REC114: variants seen among roughly 807,000 people sequenced by gnomAD.
REC114 encodes the protein REC114 meiotic recombination protein, also known as meiotic recombination protein REC114.
Under a neutral mutation model 31.3 loss-of-function variants are expected in REC114, and 27 were observed. That is an observed-to-expected ratio of 0.86 (90% confidence interval 0.64 to 1.19). The LOEUF (loss-of-function observed/expected upper bound fraction) is 1.19. Among genes scored for constraint, REC114 ranks in the 50% most tolerant of loss-of-function variants. The pLI is 0.00. For missense variants in REC114, 344 were observed against 326.9 expected (o/e 1.05, Z -0.40); for synonymous variants, 134 against 127.7 (o/e 1.05, Z -0.33).
intron 1 of REC114, among the ~76,000 whole-genome samples, chr15:73,469,667 C>G (rs1371843377): frequency 6.7e-6 from 1 of 149,352 alleles, no homozygotes; most frequent in African/African-American, 2.5e-5. Flanking sequence ...TGGCCTTAGG[C>G]AAGCCTTAGA....
chr15:73,539,747 T>C (rs1191348304), intron 2 of REC114, among the ~76,000 whole-genome samples: 1 of 152,120 alleles, frequency 6.6e-6, no homozygotes, highest in Admixed American at 6.5e-5. Context: ...ATCTCCTGGA[T>C]TGGTTTTACT....
chr15:73,476,088 G>T (rs1287749351), intron 2 of REC114, among the ~76,000 whole-genome samples: 2 of 152,138 alleles, frequency 1.3e-5, no homozygotes, highest in Non-Finnish European at 2.9e-5. Flanking sequence ...ATCGAGGTTT[G>T]CATAAGTGTA....
intron 1 of REC114, among the ~76,000 whole-genome samples, chr15:73,448,206 C>T (rs565426462): frequency 5.3e-5 from 8 of 152,150 alleles, no homozygotes; most frequent in Non-Finnish European, 1.0e-4. Context: ...TCTGGCTCAG[C>T]GGGTCCCACC....
chr15:73,550,518 T>C (rs1338898509), intron 3 of REC114, among the ~76,000 whole-genome samples: 1 of 152,254 alleles, frequency 6.6e-6, no homozygotes, highest in Non-Finnish European at 1.5e-5. Flanking sequence ...CATAGTTATC[T>C]ACCTGGTTTG....
rs556924167 is a variant in REC114, at chr15:73,452,322, C to A, written c.159+8978C>A. On this transcript the variant is annotated intron_variant, in intron 1 of 5. Transcript: ENST00000331090. ...AAAATCAGTGTGCAAAAATCACAAGCATTCCTATACACCAATAACAGACAA... is the reference window on the plus strand; with the variant it reads ...AAAATCAGTGTGCAAAAATCACAAGAATTCCTATACACCAATAACAGACAA... 2.0e-5 allele frequency among the ~76,000 whole-genome samples: 3 copies of A among 152,318 alleles called. No homozygotes were observed. The South Asian group carries it at 6.2e-4, about 32-fold the overall frequency.
At chr15:73,538,803 T>G (rs561024236) in intron 2 of REC114, among the ~76,000 whole-genome samples, 2 of 152,192 alleles carry the variant, frequency 1.3e-5, no homozygotes, top group South Asian at 4.2e-4. Flanking sequence ...TTTACTACTT[T>G]TTACACCTGT....
chr15:73,522,655 A>G (rs1306462130), intron 2 of REC114, among the ~76,000 whole-genome samples: 3 of 152,190 alleles, frequency 2.0e-5, no homozygotes, highest in East Asian at 3.8e-4. Context: ...CACTATATGG[A>G]TATACCACAA....
intron 1 of REC114, among the ~76,000 whole-genome samples, chr15:73,473,312 A>C (rs920873660): frequency 5.3e-5 from 8 of 151,874 alleles, no homozygotes. Context: ...TCGCTTGAAC[A>C]CAGGAGGCAG....
At chr15:73,456,918 AAAT>A (rs1156708781) in intron 1 of REC114, among the ~76,000 whole-genome samples, 3 of 152,194 alleles carry the variant, frequency 2.0e-5, no homozygotes, top group Non-Finnish European at 4.4e-5. Flanking sequence ...AAAATAACAA[AAAT>A]AACAGTTTTT....
chr15:73,530,908 G>A (rs184681062), intron 2 of REC114, among the ~76,000 whole-genome samples: 12 of 152,230 alleles, frequency 7.9e-5, no homozygotes, highest in Admixed American at 2.0e-4. Context: ...CGCTTTTGGT[G>A]TTCTGGGCCT....
chr15:73,461,905 C>CTTTTTTTT (rs1185300663), intron 1 of REC114, among the ~76,000 whole-genome samples: 2 of 78,242 alleles, frequency 2.6e-5, no homozygotes. Flanking sequence ...TAACATTTTT[C>CTTTTTTTT]TTTTTCTTTT....
At chr15:73,474,934 T>C (rs1893190599) in intron 2 of REC114, among the ~76,000 whole-genome samples, 1 of 152,324 alleles carries the variant, frequency 6.6e-6, no homozygotes, top group South Asian at 2.1e-4. Flanking sequence ...GTATTCCTCG[T>C]GACTTTTAAA....
chr15:73,551,007 A>G lies in REC114; in HGVS notation c.403A>G (p.Ser135Gly), dbSNP rs755990480. The change falls in exon 4 of 6, where the codon AGT becomes GGT. Residue 135 changes from serine to glycine, a missense_variant. Physicochemically the swap from Ser to Gly is moderately conservative, Grantham distance 56. Coordinates refer to ENST00000331090, the MANE Select transcript of REC114 (RefSeq NM_001042367.2). ...SKEQALEHCC[S>G]CVQKLAQYIT... The stretch of plus-strand genomic sequence containing the variant: ...GGAGCAGGCGCTGGAACACTGCTGC[A>G]GTTGTGTTCAGAAGCTGGCACAATA... 1 of 1,613,930 alleles carries G rather than the reference A, an allele frequency of 6.2e-7. No individual in the cohort carries two copies. The highest frequency in any genetic ancestry group is 8.5e-7 in the Non-Finnish European group (1 of 1,179,856).
intron 2 of REC114, among the ~76,000 whole-genome samples, chr15:73,482,152 G>T (rs1893303765): frequency 6.6e-6 from 1 of 152,068 alleles, no homozygotes; most frequent in African/African-American, 2.4e-5. Flanking sequence ...CTATGAATTT[G>T]ACTATTGTAG....
intron 2 of REC114, among the ~76,000 whole-genome samples, chr15:73,501,862 C>T (rs150200656): frequency 8.1e-4 from 123 of 152,246 alleles, no homozygotes; most frequent in Middle Eastern, 3.4e-3. Context: ...AAGGATGCAA[C>T]GATCAGAACA....
chr15:73,474,823 A>G (rs1435745057), intron 2 of REC114, among the ~76,000 whole-genome samples: 1 of 152,186 alleles, frequency 6.6e-6, no homozygotes, highest in African/African-American at 2.4e-5. Context: ...ATGTTCTATC[A>G]TAATATGGTA....
chr15:73,559,841 T>C lies in REC114; in HGVS notation c.726T>C (p.Leu242=), dbSNP rs1267230022. The change falls in exon 6 of 6, where the codon CTT becomes CTC. Residue 242 remains leucine (L), a synonymous_variant. Coordinates refer to ENST00000331090, the MANE Select transcript of REC114 (RefSeq NM_001042367.2). Reference sequence around the variant, plus strand: ...TAGGCCCCTTCCTACGTTTGTGCCTTATGGATCAGAATTTCCCAGCATTTG... The same window carrying C: ...TAGGCCCCTTCCTACGTTTGTGCCTCATGGATCAGAATTTCCCAGCATTTG... ...EELGPFLRLC[L]MDQNFPAFVE... 9 of 1,612,520 alleles carry C rather than the reference T, an allele frequency of 5.6e-6. No individual in the cohort carries two copies. The highest frequency in any genetic ancestry group is 6.8e-6 in the Non-Finnish European group (8 of 1,179,402).
intron 2 of REC114, among the ~76,000 whole-genome samples, chr15:73,504,278 C>T (rs1285713057): frequency 6.6e-6 from 1 of 152,124 alleles, no homozygotes; most frequent in African/African-American, 2.4e-5. Context: ...GCTGGGATTA[C>T]AGGCGTGAGC....
At chr15:73,448,476 T>C (rs904647222) in intron 1 of REC114, among the ~76,000 whole-genome samples, 2 of 151,978 alleles carry the variant, frequency 1.3e-5, no homozygotes, top group Non-Finnish European at 2.9e-5. Flanking sequence ...AGGGCATCTC[T>C]GAAAAAAAGG....
Sources: allele counts gnomAD v4.1 joint callset (sites outside exome capture counted in the v4.1 genomes callset), GRCh38; gene constraint gnomAD v4.1.1; transcripts MANE v1.5; gene names NCBI Gene and HGNC (gene_info 2026-07-23, HGNC 2026-07-21).